Variants in PDK2 observed in about 807,000 individuals in gnomAD.
PDK2 encodes the protein pyruvate dehydrogenase kinase 2.
In PDK2, 34 loss-of-function variants were observed where a neutral mutation model predicts 50.4. That is an observed-to-expected ratio of 0.68 (90% CI 0.51 to 0.90). The LOEUF is 0.90. Ranked by LOEUF, PDK2 falls within the 40% of genes least tolerant of loss-of-function variation. The pLI, the probability that PDK2 is intolerant of heterozygous loss-of-function variation, is 0.00. For synonymous variants in PDK2, 232 were observed against 216.0 expected, an observed-to-expected ratio of 1.07 and a Z score of -0.65; for missense variants, 377 against 544.5, an observed-to-expected ratio of 0.69 and a Z score of 3.06.
intron 3 of PDK2, 138 bp from the exon 4 acceptor site, chr17:50,105,747 C>A: frequency 8.1e-7 from 1 of 1,228,428 alleles, no homozygotes; most frequent in Non-Finnish European, 1.1e-6. Flanking sequence ...TCAGAGTGGG[C>A]TTTGGGAGGA....
intron 2 of PDK2, among the ~76,000 whole-genome samples, chr17:50,098,154 A>C (rs1396729515): frequency 2.6e-5 from 4 of 152,248 alleles, no homozygotes; most frequent in Non-Finnish European, 2.9e-5. Flanking sequence ...ACTCAAGTTA[A>C]GTAACTGGAT....
At position 50,110,305 on chromosome 17, in the gene PDK2, A is replaced by C. The variant is rs705966; in HGVS notation, c.*208A>C. 2.2e-6 allele frequency: 1 copy of C among 449,952 alleles called. No homozygotes were observed. The highest frequency in any genetic ancestry group is 5.5e-5 in the South Asian group (1 of 18,188). 27.9% of individuals were successfully genotyped at this position (449,952 alleles called of 1,614,324 possible). On this transcript the variant is annotated 3_prime_UTR_variant, in exon 11 of 11. Coordinates refer to ENST00000503176, the MANE Select transcript of PDK2 (RefSeq NM_002611.5). ...GTGGAGACCCCTCGGTGGCCTCCCTATCTCTGTGGGCGATGCCTGAGGGTT... is the reference window on the plus strand; with the variant it reads ...GTGGAGACCCCTCGGTGGCCTCCCTCTCTCTGTGGGCGATGCCTGAGGGTT...
Position 50,105,460 on chromosome 17 carries a change from G to A in PDK2, c.332+18G>A. The stretch of plus-strand genomic sequence containing the variant: ...CTGAGCCAGTGAGTGGGGGCCCTGG[G>A]TGGGGCAGGAAGGCAGGTGTTGGCC... On this transcript the variant is annotated intron_variant, in intron 3 of 10. Transcript: ENST00000503176. 6.2e-7 allele frequency: 1 copy of A among 1,611,102 alleles called. No individual in the cohort carries two copies. The highest frequency in any genetic ancestry group is 8.5e-7 in the Non-Finnish European group (1 of 1,178,182).
chr17:50,103,024 G>T (rs182645200), intron 2 of PDK2, among the ~76,000 whole-genome samples: 1 of 152,332 alleles, frequency 6.6e-6, no homozygotes. Flanking sequence ...GAAATACCTT[G>T]TGCTCATCAA....
At chr17:50,100,064 G>C (rs1271940673) in intron 2 of PDK2, among the ~76,000 whole-genome samples, 1 of 152,208 alleles carries the variant, frequency 6.6e-6, no homozygotes, top group Non-Finnish European at 1.5e-5. Flanking sequence ...CCTGAGAGGA[G>C]GGGGGAGACT....
At chr17:50,095,767 C>T (rs1381276728) in intron 1 of PDK2, 7 of 1,394,470 alleles carry the variant, frequency 5.0e-6, no homozygotes, top group Non-Finnish European at 6.5e-6. Context: ...TTTACAAGGA[C>T]GGTCCCGAGG....
At position 50,108,420 on chromosome 17, in the gene PDK2, A is replaced by T. The variant is rs763122083; in HGVS notation, c.861+3A>T. On this transcript the variant is annotated splice_donor_region_variant and intron_variant, in intron 8 of 10. Coordinates refer to ENST00000503176, the MANE Select transcript of PDK2 (RefSeq NM_002611.5). ...GTGAGGAAGATCTGTCCATCAAGGT[A>T]TGTGACCCTTTGACCTTGGGGACCA... 1 of 1,608,462 alleles carries T rather than the reference A, an allele frequency of 6.2e-7. No individual in the cohort carries two copies. Among genetic ancestry groups the T allele is most frequent in the African/African-American group, 1.3e-5 (1 of 74,860 alleles).
rs753679533 is a variant in PDK2 at position 50,100,086 on chromosome 17, C to G, written c.260+2522C>G. Among the ~76,000 whole-genome samples, 101 of 152,178 alleles carry G rather than the reference C, an allele frequency of 6.6e-4. 1 individual carries two copies. Among genetic ancestry groups the G allele is most frequent in the Non-Finnish European group, 8.1e-4 (55 of 68,034 alleles). The stretch of plus-strand genomic sequence containing the variant: ...GGAGGGGGGAGACTTTACCAGGGAG[C>G]TTGGCAAGAGGGCCTCTAGCCTGAG... On this transcript the variant is annotated intron_variant, in intron 2 of 10. Coordinates refer to ENST00000503176, the MANE Select transcript of PDK2 (RefSeq NM_002611.5).
At chr17:50,099,590 G>A (rs1376748913) in intron 2 of PDK2, among the ~76,000 whole-genome samples, 32 of 152,154 alleles carry the variant, frequency 2.1e-4, no homozygotes, top group African/African-American at 7.2e-5. Flanking sequence ...TCAGGAGATC[G>A]AGACCATCCT....
In PDK2 at chr17:50,106,083, A is replaced by ACAG; in HGVS notation, c.517+16_517+18dup. ...TCAACCAGCACAGTGGGTGCCGGCCACAGCGGCGGGGAGCGGGCGGTGGGG... is the reference window on the plus strand; with the variant it reads ...TCAACCAGCACAGTGGGTGCCGGCCACAGCAGCGGCGGGGAGCGGGCGGTGGGG... On this transcript the variant is annotated intron_variant, in intron 4 of 10. Transcript: ENST00000503176. 1 of 1,588,708 alleles carries ACAG rather than the reference A, an allele frequency of 6.3e-7. No individual in the cohort carries two copies. The highest frequency in any genetic ancestry group is 8.6e-7 in the Non-Finnish European group (1 of 1,167,118).
Position 50,105,959 on chromosome 17 carries a change from AGTACAAGGACACCTACGGCGATG to A in PDK2, c.408_430del (p.Tyr137ProfsTer33). 1 of 1,613,346 alleles carries A rather than the reference AGTACAAGGACACCTACGGCGATG, an allele frequency of 6.2e-7. No homozygotes were observed. Among genetic ancestry groups the A allele is most frequent in the South Asian group, 1.1e-5 (1 of 90,846 alleles). ...CCCACCATGGCACAAGGCGTGCTTG[AGTACAAGGACACCTACGGCGATG>A]ACCCCGTCTCCAACCAGAACATCCA... On this transcript the variant is annotated frameshift_variant, in exon 4 of 11. Transcript: ENST00000503176. LOFTEE classifies it high-confidence loss of function.
Position 50,108,504 on chromosome 17 carries a change from T to A in PDK2, c.861+87T>A. On this transcript the variant is annotated intron_variant, in intron 8 of 10. Transcript: ENST00000503176. ...AGACGGGCTTTCCTTTTCTCCTACA[T>A]GGTGGGCAGATCCTGGGGGTGGGGA... The A allele has an allele frequency of 4.5e-6, 6 of 1,331,184 alleles. No homozygotes were observed. In the South Asian group the frequency reaches 6.1e-5, roughly 13 times the overall value. The allele number at this position is 1,331,184 out of a possible 1,614,324, so 82.5% of individuals were successfully genotyped here. A position where few individuals can be genotyped will look rare whatever the true frequency, so the allele number is the denominator to read the frequency against.
At chr17:50,098,514 T>C (rs894007601) in intron 2 of PDK2, 2 of 152,184 alleles carry the variant, frequency 1.3e-5, no homozygotes, top group African/African-American at 2.4e-5. Context: ...AATCCAAACA[T>C]TATTTTAAAA....
chr17:50,100,193 T>C (rs1174050459), intron 2 of PDK2, among the ~76,000 whole-genome samples: 1 of 152,198 alleles, frequency 6.6e-6, no homozygotes, highest in Non-Finnish European at 1.5e-5. Flanking sequence ...TCATGGTTCA[T>C]CTGTGGTCAT....
At chr17:50,104,651 CAGGGCATCACCCACTGCTACCTGGCCT>C in intron 2 of PDK2, among the ~76,000 whole-genome samples, 6 of 152,192 alleles carry the variant, frequency 3.9e-5, no homozygotes, top group African/African-American at 1.4e-4. Flanking sequence ...GAGGAGGTGG[CAGGGCATCACCCACTGCTACCTGGCCT>C]TTTGCAGTAG....
chr17:50,104,726 A>C (rs997003784), intron 2 of PDK2, among the ~76,000 whole-genome samples: 2 of 152,146 alleles, frequency 1.3e-5, no homozygotes, highest in African/African-American at 4.8e-5. Flanking sequence ...CCCCAGCCCC[A>C]CCTGGGGACA....
At chr17:50,095,732 G>A (rs1015944671) in intron 1 of PDK2, 179 bp downstream of exon 1, 41 of 1,423,980 alleles carry the variant, frequency 2.9e-5, no homozygotes, top group Non-Finnish European at 3.7e-5. Flanking sequence ...CCTCTCGACG[G>A]GGCTGCTGAT....
At chr17:50,097,750 G>GTCAA (rs1910022817) in intron 2 of PDK2, 186 bp downstream of exon 2, 1 of 604,458 alleles carries the variant, frequency 1.7e-6, no homozygotes. Flanking sequence ...CAGGACTGAG[G>GTCAA]TCAAGCTCCT....
At chr17:50,099,621 A>G (rs372865578) in intron 2 of PDK2, among the ~76,000 whole-genome samples, 3 of 152,116 alleles carry the variant, frequency 2.0e-5, no homozygotes, top group South Asian at 2.1e-4. Context: ...GTGAAACTCC[A>G]TCTCTACTAA....
Sources: allele counts gnomAD v4.1 joint callset (sites outside exome capture counted in the v4.1 genomes callset), GRCh38; gene constraint gnomAD v4.1.1; transcripts MANE v1.5; gene names NCBI Gene and HGNC (gene_info 2026-07-23, HGNC 2026-07-21).